The following TENM2 variants were observed in gnomAD, a reference collection of about 807,000 sequenced individuals.
TENM2 encodes teneurin-2.
In TENM2, 52 loss-of-function variants were observed where a neutral mutation model predicts 245.2. The ratio of observed to expected loss-of-function variants is 0.21; its 90% confidence interval spans 0.17 to 0.27. The LOEUF (loss-of-function observed/expected upper bound fraction) is 0.27. Ranked by LOEUF, TENM2 falls within the 10% of genes least tolerant of loss-of-function variation. The pLI, the probability that TENM2 is intolerant of heterozygous loss-of-function variation, is 1.00. For missense variants in TENM2, 3,046 were observed against 3,666.8 expected (o/e 0.83, Z 4.37); for synonymous variants, 1,363 against 1,438.9 (o/e 0.95, Z 1.19).
the TENM2 span, among the ~76,000 whole-genome samples, chr5:167,028,631 C>T: frequency 6.6e-6 from 1 of 151,750 alleles, no homozygotes; most frequent in African/African-American, 2.4e-5. Flanking sequence ...AAATAATATA[C>T]AGCATATGTA....
chr5:167,356,480 G>GA (rs565314054), intron 1 of TENM2, among the ~76,000 whole-genome samples: 8 of 152,100 alleles, frequency 5.3e-5, no homozygotes, highest in East Asian at 1.9e-4. Flanking sequence ...GAGATATTTT[G>GA]AAAAAAATGA....
intron 12 of TENM2, among the ~76,000 whole-genome samples, chr5:168,143,813 A>G (rs1755773465): frequency 6.7e-6 from 1 of 149,962 alleles, no homozygotes; most frequent in Admixed American, 6.7e-5. Context: ...GTCTGAGCTA[A>G]TATTAACTAG....
intron 2 of TENM2, among the ~76,000 whole-genome samples, chr5:167,600,058 A>AAAAAAAAAAAAAAAAAG (rs1554088005): frequency 1.3e-5 from 2 of 152,128 alleles, no homozygotes; most frequent in African/African-American, 2.4e-5. Flanking sequence ...AGGCGGGAGA[A>AAAAAAAAAAAAAAAAAG]TTGCTTGAAC....
intron 5 of TENM2, among the ~76,000 whole-genome samples, chr5:168,047,070 G>C (rs1195365213): frequency 6.6e-6 from 1 of 152,186 alleles, no homozygotes; most frequent in African/African-American, 2.4e-5. Flanking sequence ...TGTGTCCAGA[G>C]TGTAGAAAAG....
At chr5:167,414,418 A>G (rs540325693) in intron 2 of TENM2, among the ~76,000 whole-genome samples, 3 of 152,178 alleles carry the variant, frequency 2.0e-5, no homozygotes, top group African/African-American at 7.2e-5. Context: ...ATATTAGGAA[A>G]TGTTAATAGC....
intron 2 of TENM2, among the ~76,000 whole-genome samples, chr5:167,618,558 C>T (rs910803587): frequency 1.5e-4 from 23 of 152,206 alleles, no homozygotes; most frequent in African/African-American, 2.2e-4. Context: ...TGCATGTCAG[C>T]GCTCACTCAA....
At chr5:167,377,430 G>A (rs1760826705) in intron 2 of TENM2, among the ~76,000 whole-genome samples, 1 of 152,120 alleles carries the variant, frequency 6.6e-6, no homozygotes, top group African/African-American at 2.4e-5. Context: ...AGGCACAAAG[G>A]AGGTATTGAA....
intron 3 of TENM2, among the ~76,000 whole-genome samples, chr5:167,878,526 T>C (rs2151393958): frequency 6.6e-6 from 1 of 152,044 alleles, no homozygotes; most frequent in African/African-American, 2.4e-5. Flanking sequence ...GACTCTGGCT[T>C]AGCTAAAATG....
At chr5:167,833,580 G>A (rs1016586245) in intron 2 of TENM2, among the ~76,000 whole-genome samples, 18 of 152,132 alleles carry the variant, frequency 1.2e-4, no homozygotes, top group Non-Finnish European at 2.5e-4. Flanking sequence ...GAACCTTATC[G>A]CAGTCTTTGC....
rs565199920 is a variant in TENM2 at position 168,132,749 on chromosome 5, T to C, written c.2422+5783T>C. Among the ~76,000 whole-genome samples, 6 of 152,308 alleles carry C rather than the reference T, an allele frequency of 3.9e-5. No homozygotes were observed. The South Asian group carries it at 1.2e-3, about 32-fold the overall frequency. On this transcript the variant is annotated intron_variant, in intron 12 of 28. Coordinates refer to ENST00000518659, the Ensembl canonical transcript of TENM2. ...ATGTAATAAGAGCTGTTGAAAAACATGGGATGCATTGTCCTAATGTATAGT... is the reference window on the plus strand; with the variant it reads ...ATGTAATAAGAGCTGTTGAAAAACACGGGATGCATTGTCCTAATGTATAGT...
chr5:167,651,772 A>C (rs1754481278), intron 2 of TENM2, among the ~76,000 whole-genome samples: 1 of 152,106 alleles, frequency 6.6e-6, no homozygotes, highest in African/African-American at 2.4e-5. Flanking sequence ...TCTTTGGTCC[A>C]ATATAGGTCA....
At chr5:167,271,115 G>C in the TENM2 span, among the ~76,000 whole-genome samples, 1 of 152,122 alleles carries the variant, frequency 6.6e-6, no homozygotes, top group African/African-American at 2.4e-5. Context: ...AATGGGAAGA[G>C]GGTGTTCAAT....
intron 2 of TENM2, among the ~76,000 whole-genome samples, chr5:167,446,430 A>G (rs1432185809): frequency 6.6e-6 from 1 of 152,098 alleles, no homozygotes; most frequent in Non-Finnish European, 1.5e-5. Context: ...TCACTCCTTC[A>G]TCTAGTTTGG....
intron 27 of TENM2, among the ~76,000 whole-genome samples, chr5:168,256,874 T>C (rs1227612594): frequency 6.6e-6 from 1 of 152,176 alleles, no homozygotes; most frequent in Non-Finnish European, 1.5e-5. Context: ...TTGGCAGCAA[T>C]GTCAACGTTA....
intron 2 of TENM2, among the ~76,000 whole-genome samples, chr5:167,735,378 GTTTGC>G (rs1219600470): frequency 3.3e-5 from 5 of 152,202 alleles, no homozygotes; most frequent in African/African-American, 9.7e-5. Flanking sequence ...AAATCAGAAA[GTTTGC>G]TTTGTGTTAG....
chr5:167,754,642 G>A (rs4242225), intron 2 of TENM2, among the ~76,000 whole-genome samples: 131,734 of 151,526 alleles, frequency 0.87, 57,606 homozygotes, highest in East Asian at 1. Flanking sequence ...AGTATACACA[G>A]TGATGTCAGA....
At chr5:167,860,852 G>A (rs1249411171) in intron 2 of TENM2, among the ~76,000 whole-genome samples, 2 of 103,810 alleles carry the variant, frequency 1.9e-5, no homozygotes, top group African/African-American at 7.7e-5. Context: ...CAGCATGCTC[G>A]TTAAGAGTCA....
intron 2 of TENM2, among the ~76,000 whole-genome samples, chr5:167,538,200 A>G (rs1249802121): frequency 6.6e-6 from 1 of 152,252 alleles, no homozygotes; most frequent in African/African-American, 2.4e-5. Context: ...TGACTCTCAT[A>G]AATAAATGAA....
chr5:167,396,577 G>A (rs1434622372), intron 2 of TENM2, among the ~76,000 whole-genome samples: 1 of 152,142 alleles, frequency 6.6e-6, no homozygotes, highest in Non-Finnish European at 1.5e-5. Flanking sequence ...TGTCTACAGA[G>A]CAGTGAAGCA....
Sources: allele counts gnomAD v4.1 joint callset (sites outside exome capture counted in the v4.1 genomes callset), GRCh38; gene constraint gnomAD v4.1.1; transcripts MANE v1.5; gene names NCBI Gene and HGNC (gene_info 2026-07-23, HGNC 2026-07-21).